TAFA1: variants seen among roughly 807,000 people sequenced by gnomAD.
TAFA1 encodes the protein TAFA chemokine like family member 1, also known as chemokine-like protein TAFA-1.
Under a neutral mutation model 18.5 loss-of-function variants are expected in TAFA1, and 4 were observed. The ratio of observed to expected loss-of-function variants is 0.22; its 90% CI spans 0.11 to 0.49. The LOEUF is 0.49. TAFA1 is among the 20% of genes least tolerant of loss of function. The pLI, the probability that TAFA1 is intolerant of heterozygous loss-of-function variation, is 0.98. For synonymous variants in TAFA1, 56 were observed against 55.2 expected, an observed-to-expected ratio of 1.01 and a Z score of -0.06; for missense variants, 147 against 169.0, an observed-to-expected ratio of 0.87 and a Z score of 0.72.
chr3:68,404,662 T>C (rs1272733807), intron 2 of TAFA1, among the ~76,000 whole-genome samples: 1 of 152,158 alleles, frequency 6.6e-6, no homozygotes, highest in Non-Finnish European at 1.5e-5. Flanking sequence ...CCAGGCGTGG[T>C]GGCAGGTGCC....
At chr3:68,490,411 T>TATC (rs1223790133) in intron 3 of TAFA1, among the ~76,000 whole-genome samples, 17 of 143,064 alleles carry the variant, frequency 1.2e-4, no homozygotes, top group Admixed American at 5.0e-4. Context: ...AAGAAAAATA[T>TATC]CCATGATTAT....
At chr3:68,299,151 G>A (rs774665423) in intron 2 of TAFA1, among the ~76,000 whole-genome samples, 10 of 152,158 alleles carry the variant, frequency 6.6e-5, no homozygotes, top group Non-Finnish European at 5.9e-5. Flanking sequence ...AGTTCCACAT[G>A]TCCAGGATGG....
At chr3:68,356,951 T>C (rs1180361335) in intron 2 of TAFA1, among the ~76,000 whole-genome samples, 1 of 151,918 alleles carries the variant, frequency 6.6e-6, no homozygotes, top group Non-Finnish European at 1.5e-5. Flanking sequence ...GTCTCTCTAG[T>C]ATCACGTGTT....
chr3:68,125,428 T>C (rs1485785527), intron 2 of TAFA1, among the ~76,000 whole-genome samples: 2 of 152,212 alleles, frequency 1.3e-5, no homozygotes, highest in Non-Finnish European at 2.9e-5. Flanking sequence ...CATTTAAAAC[T>C]CTTCAAAAAG....
chr3:68,456,586 C>A (rs948184801), intron 3 of TAFA1, among the ~76,000 whole-genome samples: 3 of 152,162 alleles, frequency 2.0e-5, no homozygotes, highest in Non-Finnish European at 4.4e-5. Flanking sequence ...AGATCTTTCA[C>A]CTTCCTTTTG....
chr3:68,512,656 G>A (rs1048518088), intron 3 of TAFA1, among the ~76,000 whole-genome samples: 2 of 149,452 alleles, frequency 1.3e-5, no homozygotes, highest in African/African-American at 2.5e-5. Context: ...GGGTAAAAGA[G>A]TTCTGGGTGG....
At chr3:68,537,776 T>G (rs895368474) in intron 3 of TAFA1, among the ~76,000 whole-genome samples, 2 of 152,220 alleles carry the variant, frequency 1.3e-5, no homozygotes, top group Non-Finnish European at 2.9e-5. Flanking sequence ...TAAGTCTTCC[T>G]CTTCCATATG....
At chr3:68,340,697 G>T (rs1173264644) in intron 2 of TAFA1, among the ~76,000 whole-genome samples, 1 of 152,066 alleles carries the variant, frequency 6.6e-6, no homozygotes, top group Admixed American at 6.6e-5. Context: ...GGATTTCCAG[G>T]AGTAAGTACA....
chr3:68,417,156 A>G, intron 2 of TAFA1, 124 bp from the exon 3 acceptor site: 1 of 721,160 alleles, frequency 1.4e-6, no homozygotes, highest in East Asian at 2.7e-5. Context: ...TTGTAATTGT[A>G]TTTCATGGAA....
intron 2 of TAFA1, among the ~76,000 whole-genome samples, chr3:68,336,244 A>G (rs2068967812): frequency 6.6e-6 from 1 of 152,220 alleles, no homozygotes; most frequent in South Asian, 2.1e-4. Context: ...AATGCTGACT[A>G]TGATTATTTT....
At chr3:68,201,428 C>G (rs1406109813) in intron 2 of TAFA1, among the ~76,000 whole-genome samples, 1 of 151,546 alleles carries the variant, frequency 6.6e-6, no homozygotes, top group Non-Finnish European at 1.5e-5. Context: ...TCAACTATGT[C>G]CTTTCTGATT....
chr3:68,289,856 C>A (rs1559601552), intron 2 of TAFA1, among the ~76,000 whole-genome samples: 2 of 152,150 alleles, frequency 1.3e-5, no homozygotes, highest in Admixed American at 1.3e-4. Context: ...CTGAATAATT[C>A]TGTTTGCTGA....
intron 3 of TAFA1, among the ~76,000 whole-genome samples, chr3:68,500,802 C>T (rs2072644022): frequency 6.6e-6 from 1 of 151,996 alleles, no homozygotes; most frequent in Non-Finnish European, 1.5e-5. Flanking sequence ...ACCCCCACTT[C>T]AGAAGTTCAT....
intron 2 of TAFA1, 118 bp from the exon 3 acceptor site, chr3:68,417,162 T>G (rs1185678983): frequency 8.0e-6 from 6 of 750,610 alleles, no homozygotes; most frequent in Non-Finnish European, 1.3e-5. Context: ...TTGTATTTCA[T>G]GGAAACTGTT....
At chr3:68,026,318 ATAT>A (rs1286452162) in intron 2 of TAFA1, among the ~76,000 whole-genome samples, 2 of 151,944 alleles carry the variant, frequency 1.3e-5, no homozygotes, top group African/African-American at 4.8e-5. Flanking sequence ...GCTAAGGCTG[ATAT>A]TATGGCCAAT....
chr3:68,079,826 G>C (rs190313653), intron 2 of TAFA1, among the ~76,000 whole-genome samples: 1 of 152,138 alleles, frequency 6.6e-6, no homozygotes, highest in Admixed American at 6.5e-5. Context: ...ATGTCTATTA[G>C]GTCGGCTTGG....
chr3:68,017,814 A>G (rs1704600502), intron 2 of TAFA1, among the ~76,000 whole-genome samples: 1 of 152,186 alleles, frequency 6.6e-6, no homozygotes, highest in African/African-American at 2.4e-5. Flanking sequence ...CTCTGTGTCT[A>G]AGATGCAAAG....
At chr3:68,392,602 T>G (rs888381973) in intron 2 of TAFA1, among the ~76,000 whole-genome samples, 1 of 152,124 alleles carries the variant, frequency 6.6e-6, no homozygotes, top group African/African-American at 2.4e-5. Context: ...ACTGGCCACA[T>G]ACTTGGAAAT....
At chr3:68,338,346 G>A (rs934158040) in intron 2 of TAFA1, among the ~76,000 whole-genome samples, 3 of 152,182 alleles carry the variant, frequency 2.0e-5, no homozygotes, top group Non-Finnish European at 4.4e-5. Context: ...CCTTGTAGGT[G>A]GTTTTGTTTT....
Sources: allele counts gnomAD v4.1 joint callset (sites outside exome capture counted in the v4.1 genomes callset), GRCh38; gene constraint gnomAD v4.1.1; transcripts MANE v1.5; gene names NCBI Gene and HGNC (gene_info 2026-07-23, HGNC 2026-07-21).